Variants in ITSN2 observed in about 807,000 individuals in gnomAD.
The protein encoded by ITSN2 is intersectin-2.
In ITSN2, 156 loss-of-function variants were observed where a neutral mutation model predicts 243.7. The ratio of observed to expected loss-of-function variants is 0.64; its 90% CI spans 0.56 to 0.73. The LOEUF is 0.73. Ranked by LOEUF, ITSN2 falls within the 30% of genes least tolerant of loss-of-function variation. The pLI, the probability that ITSN2 is intolerant of heterozygous loss-of-function variation, is 0.00. For missense variants in ITSN2, 1,801 were observed against 1,996.1 expected, an observed-to-expected ratio of 0.90 and a Z score of 1.86; for synonymous variants, 703 against 699.9, an observed-to-expected ratio of 1.00 and a Z score of -0.07.
chr2:24,254,472 T>C lies in ITSN2; in HGVS notation c.2889-41A>G, dbSNP rs368097692. 373 of 1,454,312 alleles carry C rather than the reference T, an allele frequency of 2.6e-4. 2 individuals carry two copies. The African/African-American group carries it at 2.7e-3, about 11-fold the overall frequency. The allele number at this position is 1,454,312 out of a possible 1,614,324, so 90.1% of individuals were successfully genotyped here. A position where few individuals can be genotyped will look rare whatever the true frequency, so the allele number is the denominator to read the frequency against. On this transcript the variant is annotated intron_variant, in intron 23 of 39. Coordinates refer to ENST00000355123, the MANE Select transcript of ITSN2 (RefSeq NM_006277.3). ...ACAAACAAACAAACAAACAAACAAA[T>C]ACAAGCAAAAATAAGAAAGGTGATT...
At chr2:24,292,124 T>G (rs1045767714) in intron 15 of ITSN2, among the ~76,000 whole-genome samples, 2 of 152,198 alleles carry the variant, frequency 1.3e-5, no homozygotes, top group Admixed American at 6.5e-5. Flanking sequence ...ATGGCAATTG[T>G]TATACAGAGA....
chr2:24,262,719 T>C (rs1207173786), intron 20 of ITSN2, among the ~76,000 whole-genome samples: 2 of 152,236 alleles, frequency 1.3e-5, no homozygotes, highest in African/African-American at 4.8e-5. Flanking sequence ...TGCTGACTTC[T>C]TCCCGAAGCA....
chr2:24,328,699 G>C (rs1022126067), intron 1 of ITSN2, among the ~76,000 whole-genome samples: 1 of 152,264 alleles, frequency 6.6e-6, no homozygotes, highest in East Asian at 1.9e-4. Flanking sequence ...CTGGCCTCAA[G>C]TGACCTGCCC....
rs951854452 is a variant in ITSN2, at chr2:24,204,232, G to A, written c.4936+13C>T. 1 of 1,613,410 alleles carries A rather than the reference G, an allele frequency of 6.2e-7. No individual in the cohort carries two copies. Among genetic ancestry groups the A allele is most frequent in the Non-Finnish European group, 8.5e-7 (1 of 1,179,820 alleles). On this transcript the variant is annotated intron_variant, in intron 39 of 39. Transcript: ENST00000355123. This position sits in a 1 kb window ranked among gnomAD's most constrained non-coding sequence, Gnocchi z 5.1. ...GGGAAAGCCTTTAGATCCCCTGGCT[G>A]AGCGACACTTACCATCTGGTGAAAA... is the stretch of plus-strand genomic sequence containing the variant.
chr2:24,271,803 A>G lies in ITSN2; in HGVS notation c.2220T>C (p.Arg740=). 6.2e-7 allele frequency: 1 copy of G among 1,605,356 alleles called. No homozygotes were observed. Among genetic ancestry groups the G allele is most frequent in the South Asian group, 1.1e-5 (1 of 88,030 alleles). ...CAGCTTTCAAAGTATCCTTATCCTTACGTTGTTTCTCCTCAGCTTTCCGTT... is the reference window on the plus strand; with the variant it reads ...CAGCTTTCAAAGTATCCTTATCCTTGCGTTGTTTCTCCTCAGCTTTCCGTT... ...EEERKAEEKQ[R]KDKDTLKAEE... is the part of the protein sequence containing the mutation. The change falls in exon 19 of 40, where the codon CGT becomes CGC. Residue 740 remains arginine, a synonymous_variant. Transcript: ENST00000355123.
intron 29 of ITSN2, among the ~76,000 whole-genome samples, chr2:24,231,961 T>C (rs1255342248): frequency 6.6e-6 from 1 of 152,240 alleles, no homozygotes; most frequent in Non-Finnish European, 1.5e-5. Context: ...CTGCATTTTC[T>C]GAAGGCTGCC....
chr2:24,283,681 A>T (rs1679115775), intron 17 of ITSN2, among the ~76,000 whole-genome samples: 1 of 152,226 alleles, frequency 6.6e-6, no homozygotes, highest in Non-Finnish European at 1.5e-5. Context: ...CTCTGATGAA[A>T]GTATCAATAA....
At chr2:24,359,299 C>G (rs1437132438) in intron 1 of ITSN2, among the ~76,000 whole-genome samples, 2 of 152,206 alleles carry the variant, frequency 1.3e-5, no homozygotes, top group Non-Finnish European at 1.5e-5. Context: ...GCTACCTAAA[C>G]TGAGCTCACT....
Position 24,286,260 on chromosome 2 carries a change from T to G in ITSN2, c.1815A>C (p.Glu605Asp). ...LKEQLDALEK[E>D]TASKLSEMDS... Reference sequence around the variant, plus strand: ...CCATTTCTGACAGCTTAGATGCAGTTTCTTTTTCAAGAGCATCTAACTGTT... The same window carrying G: ...CCATTTCTGACAGCTTAGATGCAGTGTCTTTTTCAAGAGCATCTAACTGTT... Residue 605 changes from glutamate (E) to aspartate (D), a missense_variant, in exon 16 of 40, where the codon GAA (glutamate) becomes GAC (aspartate). Transcript: ENST00000355123. The G allele has an allele frequency of 6.2e-7, 1 of 1,606,132 alleles. No homozygotes were observed. The highest frequency in any genetic ancestry group is 2.2e-5 in the East Asian group (1 of 44,728).
chr2:24,213,180 T>G (rs1031770778), intron 32 of ITSN2, among the ~76,000 whole-genome samples: 5 of 152,154 alleles, frequency 3.3e-5, no homozygotes, highest in African/African-American at 1.2e-4. Flanking sequence ...ACTCAGGCCC[T>G]GCTTCCCCTT....
At chr2:24,286,449 A>T in intron 15 of ITSN2, 98 bp from the exon 16 acceptor site, 1 of 959,666 alleles carries the variant, frequency 1.0e-6, no homozygotes, top group East Asian at 2.4e-5. Flanking sequence ...TAACTAGACC[A>T]ATACGAAGGA....
chr2:24,339,118 C>A (rs1208526651), intron 1 of ITSN2, among the ~76,000 whole-genome samples: 1 of 152,060 alleles, frequency 6.6e-6, no homozygotes, highest in African/African-American at 2.4e-5. Flanking sequence ...CAGTGTAACA[C>A]CAAAACCACT....
intron 29 of ITSN2, among the ~76,000 whole-genome samples, chr2:24,230,751 A>T (rs1671506147): frequency 6.6e-6 from 1 of 152,178 alleles, no homozygotes; most frequent in South Asian, 2.1e-4. Context: ...CTGGGCGACA[A>T]GAGTGAAACT....
chr2:24,296,125 A>T (rs1680930293), intron 13 of ITSN2, among the ~76,000 whole-genome samples: 2 of 152,216 alleles, frequency 1.3e-5, no homozygotes, highest in African/African-American at 4.8e-5. Context: ...ACACTCTCAA[A>T]GAATGATGAA....
chr2:24,304,853 G>A (rs1682281153), intron 8 of ITSN2, among the ~76,000 whole-genome samples: 2 of 152,132 alleles, frequency 1.3e-5, no homozygotes. Flanking sequence ...AATACAAAGG[G>A]CCATAGAGAG....
chr2:24,357,658 A>AAAT (rs1434094946), intron 1 of ITSN2, among the ~76,000 whole-genome samples: 2 of 152,194 alleles, frequency 1.3e-5, no homozygotes, highest in Admixed American at 1.3e-4. Flanking sequence ...GTTTTTTCAC[A>AAAT]AATTTTTTCC....
chr2:24,317,403 G>T (rs1162689352), intron 2 of ITSN2, among the ~76,000 whole-genome samples: 1 of 149,914 alleles, frequency 6.7e-6, no homozygotes, highest in South Asian at 2.1e-4. Context: ...AAAAAAAAGC[G>T]GCAACTATCC....
chr2:24,245,331 G>A (rs781373243), intron 29 of ITSN2, among the ~76,000 whole-genome samples: 1 of 152,130 alleles, frequency 6.6e-6, no homozygotes, highest in East Asian at 1.9e-4. Flanking sequence ...CAAGAATTTT[G>A]CAACAGTCAA....
At chr2:24,347,989 T>C (rs1430228766) in intron 1 of ITSN2, among the ~76,000 whole-genome samples, 3 of 151,800 alleles carry the variant, frequency 2.0e-5, no homozygotes, top group Admixed American at 6.6e-5. Flanking sequence ...GGTGGGAGGA[T>C]CACTTGAACC....
Sources: gnomAD v4.1 joint callset for allele counts (sites outside exome capture counted in the v4.1 genomes callset) on GRCh38, gnomAD v4.1.1 for gene constraint, Gnocchi (gnomAD v3.1) non-coding constraint, MANE v1.5 for transcripts, NCBI Gene and HGNC (gene_info 2026-07-23, HGNC 2026-07-21) for gene names.